Variants in CCDC74B observed in about 807,000 individuals in gnomAD.
CCDC74B encodes the protein coiled-coil domain containing 74B, also known as coiled-coil domain-containing protein 74B.
Under a neutral mutation model 38.0 loss-of-function variants are expected in CCDC74B, and 34 were observed. The observed-to-expected ratio is 0.89, with a 90% CI of 0.68 to 1.19. CCDC74B has a LOEUF of 1.19. CCDC74B is among the 50% of genes most tolerant of loss of function. The pLI is 0.00. For synonymous variants in CCDC74B, 132 were observed against 170.4 expected (o/e 0.77, Z 1.76); for missense variants, 358 against 406.0 (o/e 0.88, Z 1.02).
At chr2:130,141,985 G>C in intron 3 of CCDC74B, 148 bp downstream of exon 3, 1 of 768,814 alleles carries the variant, frequency 1.3e-6, no homozygotes, top group Non-Finnish European at 1.9e-6. Context: ...GCTTCAGCTT[G>C]CAGGGCTCTT....
At chr2:130,140,643 G>C (rs1685550468) in intron 4 of CCDC74B, 2 of 514,170 alleles carry the variant, frequency 3.9e-6, no homozygotes, top group Non-Finnish European at 6.7e-6. Flanking sequence ...CCCACACCCA[G>C]TGGGGCATCT....
At chr2:130,140,465 T>G in intron 4 of CCDC74B, 94 bp from the exon 5 acceptor site, 1 of 1,404,006 alleles carries the variant, frequency 7.1e-7, no homozygotes, top group Non-Finnish European at 9.7e-7. Context: ...CAGGCCAATG[T>G]GGGGAAGAGG....
In CCDC74B at chr2:130,144,768, G is replaced by C; in HGVS notation, c.229C>G (p.His77Asp). The C allele has an allele frequency of 6.2e-7, 1 of 1,613,128 alleles. No individual in the cohort carries two copies. The highest frequency in any genetic ancestry group is 8.5e-7 in the Non-Finnish European group (1 of 1,179,706). Reference sequence around the variant, plus strand: ...TCACCCTTGTTTTCCCGCTTCAGATGCTCGATCTCCTCATGGAGCTTGGCC... The same window carrying C: ...TCACCCTTGTTTTCCCGCTTCAGATCCTCGATCTCCTCATGGAGCTTGGCC... ...MLAKLHEEIE[H>D]LKRENKDLRY... Residue 77 changes from histidine (H) to aspartate (D), a missense_variant, in exon 1 of 8, where the codon CAT (histidine) becomes GAT (aspartate). Physicochemically the swap from His to Asp is moderately conservative, Grantham distance 81. This residue lies in a region of CCDC74B where 128 missense variants were observed against 146.7 expected (regional missense o/e 0.87). Transcript: ENST00000409943.
chr2:130,144,938 G>A lies in CCDC74B; in HGVS notation c.59C>T (p.Ser20Phe). The A allele has an allele frequency of 6.6e-7, 1 of 1,522,186 alleles. No individual in the cohort carries two copies. Among genetic ancestry groups the A allele is most frequent in the Non-Finnish European group, 8.8e-7 (1 of 1,139,348 alleles). The allele number at this position is 1,522,186 out of a possible 1,614,324, so 94.3% of individuals were successfully genotyped here. Reference sequence around the variant, plus strand: ...AGAGGGGCGCTGGCGCCGGCGCCGAGAGCCCGGGGTCGGCGAGCTGGGGGG... The same window carrying A: ...AGAGGGGCGCTGGCGCCGGCGCCGAAAGCCCGGGGTCGGCGAGCTGGGGGG... ...TRPPSSPTPG[S>F]RRRRQRPSVG... Residue 20 changes from serine to phenylalanine, a missense_variant, in exon 1 of 8, where the codon TCT (serine) becomes TTT (phenylalanine). Around this residue, in one of 3 missense-constraint regions of CCDC74B, gnomAD observed 128 missense variants for 146.7 expected, o/e 0.87. Transcript: ENST00000409943.
At position 130,143,316 on chromosome 2, in the gene CCDC74B, G is replaced by A; in HGVS notation, c.251-3C>T. Reference sequence around the variant, plus strand: ...CATTATGAGCTTGTAACGGAGATCTGAAAGCAAGCACACGCTCTCCTCAGC... The same window carrying A: ...CATTATGAGCTTGTAACGGAGATCTAAAAGCAAGCACACGCTCTCCTCAGC... On this transcript the variant is annotated splice_region_variant and splice_polypyrimidine_tract_variant and intron_variant, in intron 1 of 7. Transcript: ENST00000409943. The A allele has an allele frequency of 1.2e-6, 2 of 1,613,992 alleles. No homozygotes were observed. The highest frequency in any genetic ancestry group is 1.7e-6 in the Non-Finnish European group (2 of 1,179,860).
At position 130,144,813 on chromosome 2, in the gene CCDC74B, G is replaced by C. The variant is rs775282428; in HGVS notation, c.184C>G (p.Gln62Glu). 2 of 1,613,534 alleles carry C rather than the reference G, an allele frequency of 1.2e-6. No homozygotes were observed. Among genetic ancestry groups the C allele is most frequent in the South Asian group, 2.2e-5 (2 of 91,082 alleles). ...TTGGCCAGCATCTCCGAGTGCTGCT[G>C]CTGCAGGAACTGTAGGCTCTTCTCC... is the stretch of plus-strand genomic sequence containing the variant. The part of the protein sequence containing the change: ...DLEKSLQFLQ[Q>E]QHSEMLAKLH... Residue 62 changes from glutamine to glutamate, a missense_variant, in exon 1 of 8, where the codon CAG becomes GAG. Gln to Glu is a conservative substitution (Grantham distance 29). Around this residue, in one of 3 missense-constraint regions of CCDC74B, gnomAD observed 128 missense variants for 146.7 expected, o/e 0.87. Coordinates refer to ENST00000409943, the MANE Select transcript of CCDC74B (RefSeq NM_001258307.2).
Position 130,139,442 on chromosome 2 carries a change from T to C in CCDC74B, c.*113A>G, listed in dbSNP as rs1018482693. The C allele has an allele frequency of 8.1e-5, 107 of 1,322,728 alleles. No homozygotes were observed. The highest frequency in any genetic ancestry group is 2.6e-4 in the Middle Eastern group (1 of 3,854). The allele number at this position is 1,322,728 out of a possible 1,614,324, so 81.9% of individuals were successfully genotyped here. On this transcript the variant is annotated 3_prime_UTR_variant, in exon 8 of 8. Transcript: ENST00000409943. Reference sequence around the variant, plus strand: ...AGTACTTTATCTATCTTGAGTGTTATCTATCTTGGAATTTAGCCAGGCCTA... The same window carrying C: ...AGTACTTTATCTATCTTGAGTGTTACCTATCTTGGAATTTAGCCAGGCCTA...
intron 3 of CCDC74B, chr2:130,141,842 C>A: frequency 1.6e-6 from 1 of 614,868 alleles, no homozygotes; most frequent in Non-Finnish European, 2.7e-6. Context: ...CAGGGTACGT[C>A]CTCCCTAGGC....
At chr2:130,140,149 C>T in intron 5 of CCDC74B, 30 bp downstream of exon 5, 1 of 1,611,892 alleles carries the variant, frequency 6.2e-7, no homozygotes, top group Non-Finnish European at 8.5e-7. Context: ...CCAGACTGCC[C>T]AGGGCCACCC....
chr2:130,141,542 C>G (rs1481446514), intron 3 of CCDC74B: 1 of 600,458 alleles, frequency 1.7e-6, no homozygotes, highest in Non-Finnish European at 2.8e-6. Flanking sequence ...GAAGCTGGCC[C>G]CATCTTGGGT....
rs898774125 is a variant in CCDC74B, at chr2:130,139,337, G to A, written c.*218C>T. On this transcript the variant is annotated 3_prime_UTR_variant, in exon 8 of 8. Coordinates refer to ENST00000409943, the MANE Select transcript of CCDC74B (RefSeq NM_001258307.2). ...AGTTTCAACAGGTAAGGCGATACCT[G>A]CTTCATCGTGTGCTTTTATGTAAAT... 1 of 605,546 alleles carries A rather than the reference G, an allele frequency of 1.7e-6. No homozygotes were observed. Among genetic ancestry groups the A allele is most frequent in the African/African-American group, 1.9e-5 (1 of 54,026 alleles). The allele number at this position is 605,546 out of a possible 1,614,324, so 37.5% of individuals were successfully genotyped here. A position where few individuals can be genotyped will look rare whatever the true frequency, so the allele number is the denominator to read the frequency against.
At position 130,140,014 on chromosome 2, in the gene CCDC74B, G is replaced by A; in HGVS notation, c.752+9C>T. Reference sequence around the variant, plus strand: ...CCAGGGATGGGGCAGGGGTGCACCAGGCACTCACCTGGGAAAGCTAGCTTC... The same window carrying A: ...CCAGGGATGGGGCAGGGGTGCACCAAGCACTCACCTGGGAAAGCTAGCTTC... On this transcript the variant is annotated intron_variant, in intron 6 of 7. Coordinates refer to ENST00000409943, the MANE Select transcript of CCDC74B (RefSeq NM_001258307.2). The A allele has an allele frequency of 6.2e-7, 1 of 1,603,356 alleles. No homozygotes were observed. Among genetic ancestry groups the A allele is most frequent in the Non-Finnish European group, 8.5e-7 (1 of 1,175,156 alleles).
intron 1 of CCDC74B, among the ~76,000 whole-genome samples, chr2:130,144,136 T>C (rs1685865619): frequency 6.6e-6 from 1 of 151,756 alleles, no homozygotes; most frequent in Admixed American, 6.5e-5. Context: ...AAAGTTTTTG[T>C]TTGTTTGTTT....
intron 1 of CCDC74B, chr2:130,144,358 C>G (rs933935923): frequency 2.4e-6 from 2 of 840,996 alleles, no homozygotes; most frequent in African/African-American, 1.7e-5. Flanking sequence ...CCAGGATGGT[C>G]TCGATCTCCT....
rs528371250 is a variant in CCDC74B at position 130,139,580 on chromosome 2, C to A, written c.920G>T (p.Arg307Leu). The A allele has an allele frequency of 6.2e-7, 1 of 1,613,390 alleles. No homozygotes were observed. Residue 307 changes from arginine to leucine, a missense_variant, in exon 8 of 8, where the codon CGG becomes CTG. Arg to Leu is a moderately radical substitution (Grantham distance 102). Around this residue, in one of 3 missense-constraint regions of CCDC74B, gnomAD observed 213 missense variants for 212.3 expected, o/e 1.00. Coordinates refer to ENST00000409943, the MANE Select transcript of CCDC74B (RefSeq NM_001258307.2). ...RQKRLQAMQK[R>L]RLHRSVL is the part of the protein sequence containing the mutation. ...TCAAAGCACCGAGCGATGCAGGCGC[C>A]GTTTCTGCATTGCCTGCAGCCTCTT...
In CCDC74B at chr2:130,144,323, T is replaced by C. The variant is rs1449132184; in HGVS notation, c.250+424A>G. 6.7e-6 allele frequency: 4 copies of C among 600,426 alleles called. No individual in the cohort carries two copies. The East Asian group carries it at 1.8e-4, about 27-fold the overall frequency. 37.2% of individuals were successfully genotyped at this position (600,426 alleles called of 1,614,324 possible). A position where few individuals can be genotyped will look rare whatever the true frequency, so the allele number is the denominator to read the frequency against. ...CCCAGCTAACTTTTTGTATTTTTAG[T>C]AGAGACGGGGTTTCACCGTGTTAGC... On this transcript the variant is annotated intron_variant, in intron 1 of 7. Transcript: ENST00000409943.
chr2:130,140,416 G>A (rs780136805), intron 4 of CCDC74B, 45 bp from the exon 5 acceptor site: 19 of 1,509,940 alleles, frequency 1.3e-5, no homozygotes, highest in African/African-American at 5.6e-5. Flanking sequence ...GCCCAGGTGC[G>A]TCTAACCACC....
rs370468132 is a variant in CCDC74B, at chr2:130,140,068, C to T, written c.707G>A (p.Gly236Glu). The change falls in exon 6 of 8, where the codon GGG becomes GAG. Residue 236 changes from glycine (G) to glutamate (E), a missense_variant. This residue lies in a region of CCDC74B where 213 missense variants were observed against 212.3 expected (regional missense o/e 1.00). Transcript: ENST00000409943. ...CGGGACTGCCTGGGGCCTCTGGCTC[C>T]CTTCCAGGAGGGACTTGAGGTGCTG... Reference protein sequence around the residue: ...ELQHLKSLLEGSQRPQAVPEE... With the variant: ...ELQHLKSLLEESQRPQAVPEE... 3 of 1,612,508 alleles carry T rather than the reference C, an allele frequency of 1.9e-6. No homozygotes were observed. Among genetic ancestry groups the T allele is most frequent in the Non-Finnish European group, 2.5e-6 (3 of 1,179,620 alleles).
intron 4 of CCDC74B, chr2:130,140,634 C>T: frequency 1.9e-6 from 1 of 518,430 alleles, no homozygotes; most frequent in Non-Finnish European, 3.3e-6. Flanking sequence ...GATCGTGACC[C>T]CACACCCAGT....
Sources: allele counts gnomAD v4.1 joint callset (sites outside exome capture counted in the v4.1 genomes callset), GRCh38; gene constraint gnomAD v4.1.1; regional missense constraint gnomAD v4.1.1; transcripts MANE v1.5; gene names NCBI Gene and HGNC (gene_info 2026-07-23, HGNC 2026-07-21).